Variants in KCNH8 observed in about 807,000 individuals in gnomAD.
The protein encoded by KCNH8 is potassium voltage-gated channel subfamily H member 8.
KCNH8 carries 70 observed loss-of-function variants against 103.6 expected under a neutral mutation model. The observed-to-expected ratio is 0.68, with a 90% CI of 0.56 to 0.82. KCNH8 has a LOEUF of 0.82. Among genes scored for constraint, KCNH8 ranks in the 40% least tolerant of loss-of-function variants. The pLI, the probability that KCNH8 is intolerant of heterozygous loss-of-function variation, is 0.00. For synonymous variants in KCNH8, 498 were observed against 489.4 expected (o/e 1.02, Z -0.23); for missense variants, 1,217 against 1,329.9 (o/e 0.92, Z 1.32).
At chr3:19,216,248 G>C (rs1413861601) in intron 1 of KCNH8, among the ~76,000 whole-genome samples, 1 of 152,202 alleles carries the variant, frequency 6.6e-6, no homozygotes, top group Non-Finnish European at 1.5e-5. Context: ...GGAATGGAGA[G>C]AGAAAAAAAT....
At chr3:19,336,406 A>G (rs2065585766) in intron 3 of KCNH8, among the ~76,000 whole-genome samples, 1 of 151,888 alleles carries the variant, frequency 6.6e-6, no homozygotes, top group African/African-American at 2.4e-5. Context: ...TTTTTGGAAT[A>G]TTTTTGAAAT....
intron 15 of KCNH8, among the ~76,000 whole-genome samples, chr3:19,523,306 T>C (rs951146786): frequency 1.3e-5 from 2 of 152,008 alleles, no homozygotes; most frequent in Non-Finnish European, 2.9e-5. Context: ...GAGAAAATTA[T>C]TTTATATCAT....
intron 1 of KCNH8, among the ~76,000 whole-genome samples, chr3:19,201,059 A>G: frequency 6.6e-6 from 1 of 151,174 alleles, no homozygotes; most frequent in Admixed American, 6.6e-5. Flanking sequence ...TGGTGAAACC[A>G]TGTCTCTGCT....
At chr3:19,389,380 T>C (rs1329159006) in intron 5 of KCNH8, among the ~76,000 whole-genome samples, 1 of 152,064 alleles carries the variant, frequency 6.6e-6, no homozygotes, top group East Asian at 1.9e-4. Context: ...ACCTCATATA[T>C]TGTAAAACGC....
At chr3:19,400,087 T>G (rs1310851338) in intron 7 of KCNH8, among the ~76,000 whole-genome samples, 1 of 151,628 alleles carries the variant, frequency 6.6e-6, no homozygotes, top group African/African-American at 2.4e-5. Context: ...CAAGCTAAAA[T>G]CACATGCTCA....
intron 1 of KCNH8, among the ~76,000 whole-genome samples, chr3:19,184,408 G>C (rs2063483488): frequency 6.6e-6 from 1 of 151,846 alleles, no homozygotes; most frequent in Non-Finnish European, 1.5e-5. Context: ...ACACAGCTTA[G>C]GATAGTGGAT....
intron 7 of KCNH8, among the ~76,000 whole-genome samples, chr3:19,407,453 G>A (rs866487157): frequency 2.6e-4 from 39 of 152,094 alleles, no homozygotes; most frequent in African/African-American, 8.9e-4. Flanking sequence ...CCACACCTAC[G>A]CAGATCTCCA....
chr3:19,342,913 A>G (rs910953198), intron 4 of KCNH8, among the ~76,000 whole-genome samples, 199 bp downstream of exon 4: 5 of 152,116 alleles, frequency 3.3e-5, no homozygotes, highest in Non-Finnish European at 7.4e-5. Flanking sequence ...GTACTTAATC[A>G]TAGTGTTATC....
intron 5 of KCNH8, among the ~76,000 whole-genome samples, chr3:19,385,006 G>C (rs1455435507): frequency 5.9e-5 from 9 of 151,962 alleles, no homozygotes; most frequent in Admixed American, 3.3e-4. Context: ...GTATCATCGG[G>C]CCTATGAAGA....
At chr3:19,318,108 G>A (rs2065299050) in intron 3 of KCNH8, among the ~76,000 whole-genome samples, 1 of 151,866 alleles carries the variant, frequency 6.6e-6, no homozygotes, top group Admixed American at 6.6e-5. Flanking sequence ...TTCTTAAGCT[G>A]ATAAGCAACT....
intron 1 of KCNH8, among the ~76,000 whole-genome samples, chr3:19,182,081 A>C (rs1321442601): frequency 1.3e-5 from 2 of 152,168 alleles, no homozygotes; most frequent in Non-Finnish European, 2.9e-5. Flanking sequence ...GTTCTTTTAT[A>C]TACTATACTA....
At chr3:19,347,695 C>A in intron 4 of KCNH8, 30 bp from the exon 5 acceptor site, 1 of 1,609,016 alleles carries the variant, frequency 6.2e-7, no homozygotes, top group South Asian at 1.1e-5. Flanking sequence ...TTGTGTTTCT[C>A]CTTTCTCTCC....
chr3:19,179,048 A>G (rs1029675673), intron 1 of KCNH8, among the ~76,000 whole-genome samples: 5 of 152,172 alleles, frequency 3.3e-5, no homozygotes, highest in African/African-American at 4.8e-5. Context: ...TTGTTGAGAA[A>G]GGATATATTT....
rs1315926139 is a variant in KCNH8 at position 19,303,102 on chromosome 3, C to T, written c.442+21773C>T. 2.0e-5 allele frequency among the ~76,000 whole-genome samples: 3 copies of T among 152,118 alleles called. No individual in the cohort carries two copies. The East Asian group carries it at 5.8e-4, about 29-fold the overall frequency. On this transcript the variant is annotated intron_variant, in intron 3 of 15. Transcript: ENST00000328405. The stretch of plus-strand genomic sequence containing the variant: ...TATCAAATTTCAAGATATACAACCC[C>T]CTTTCTACTCACTTTTCTTTCTTGG...
At chr3:19,349,575 G>C (rs1406088271) in intron 5 of KCNH8, among the ~76,000 whole-genome samples, 9 of 152,070 alleles carry the variant, frequency 5.9e-5, no homozygotes, top group African/African-American at 2.2e-4. Flanking sequence ...ATTAGGTCAA[G>C]TTATATCTTG....
intron 11 of KCNH8, among the ~76,000 whole-genome samples, chr3:19,475,491 A>G (rs1381962590): frequency 6.6e-6 from 1 of 152,162 alleles, no homozygotes; most frequent in African/African-American, 2.4e-5. Context: ...TTTCAGGAAA[A>G]GAACCATTGA....
intron 11 of KCNH8, among the ~76,000 whole-genome samples, chr3:19,503,676 G>C (rs551578415): frequency 1.3e-5 from 2 of 148,398 alleles, no homozygotes; most frequent in African/African-American, 5.0e-5. Context: ...ACTATCTCAA[G>C]AACAAAAAAC....
intron 8 of KCNH8, 55 bp downstream of exon 8, chr3:19,438,416 C>A: frequency 7.1e-7 from 1 of 1,406,978 alleles, no homozygotes; most frequent in Non-Finnish European, 9.9e-7. Context: ...ACCTAACTGT[C>A]ACTGCCTGTT....
At chr3:19,396,025 C>CTA (rs1157878426) in intron 7 of KCNH8, among the ~76,000 whole-genome samples, 1 of 151,976 alleles carries the variant, frequency 6.6e-6, no homozygotes, top group Middle Eastern at 3.2e-3. Flanking sequence ...ATTCTCAAAA[C>CTA]TATAACTCTC....
Sources: allele counts gnomAD v4.1 joint callset (sites outside exome capture counted in the v4.1 genomes callset), GRCh38; gene constraint gnomAD v4.1.1; transcripts MANE v1.5; gene names NCBI Gene and HGNC (gene_info 2026-07-23, HGNC 2026-07-21).